Variants in CD52 observed in about 807,000 individuals in gnomAD.
CD52 encodes the protein CAMPATH-1 antigen.
In CD52, 2 loss-of-function variants were observed where a neutral mutation model predicts 2.5. The ratio of observed to expected loss-of-function variants is 0.79; its 90% confidence interval spans 0.32 to 2.48. CD52 has a LOEUF of 2.48. Ranked by LOEUF, CD52 falls within the 30% of genes most tolerant of loss-of-function variation. The probability of loss-of-function intolerance (pLI) is 0.11; values close to 1 mark genes in which losing one functional copy is unlikely to be tolerated. For synonymous variants in CD52, 24 were observed against 27.7 expected (o/e 0.87, Z 0.42); for missense variants, 62 against 75.8 (o/e 0.82, Z 0.68).
Position 26,320,219 on chromosome 1 carries a change from C to A in CD52, c.103C>A (p.Pro35Thr). 3.7e-6 allele frequency: 6 copies of A among 1,614,016 alleles called. No individual in the cohort carries two copies. The highest frequency in any genetic ancestry group is 5.1e-6 in the Non-Finnish European group (6 of 1,179,958). Residue 35 changes from proline (P) to threonine (T), a missense_variant, in exon 2 of 2, where the codon CCC becomes ACC. Pro to Thr is a conservative substitution (Grantham distance 38). Transcript: ENST00000374213. ...GQNDTSQTSSPSASSNISGGI... is the reference protein window; with the variant it reads ...GQNDTSQTSSTSASSNISGGI... ...AAACGACACCAGCCAAACCAGCAGC[C>A]CCTCAGCATCCAGCAACATAAGCGG...
chr1:26,318,261 G>A (rs2073818596), intron 1 of CD52, 190 bp downstream of exon 1: 4 of 589,066 alleles, frequency 6.8e-6, no homozygotes, highest in Admixed American at 6.0e-5. Context: ...GGCTGGGGCT[G>A]CACTGCTTGC....
At chr1:26,318,180 C>A in intron 1 of CD52, 109 bp downstream of exon 1, 2 of 922,826 alleles carry the variant, frequency 2.2e-6, no homozygotes, top group South Asian at 1.3e-5. Context: ...CTCCTGAGAG[C>A]ACAGCAGATG....
chr1:26,319,776 C>T (rs1013365865), intron 1 of CD52, among the ~76,000 whole-genome samples: 10 of 151,386 alleles, frequency 6.6e-5, no homozygotes, highest in African/African-American at 2.2e-4. Flanking sequence ...GGATGGAGGG[C>T]GGGGAGGGTA....
At chr1:26,318,219 C>T (rs1034679287) in intron 1 of CD52, 148 bp downstream of exon 1, 3 of 673,188 alleles carry the variant, frequency 4.5e-6, no homozygotes, top group South Asian at 3.5e-5. Flanking sequence ...GGGGACACAG[C>T]GGGCCTGGCC....
chr1:26,320,120 TAAA>T (rs111668601), intron 1 of CD52, 48 bp from the exon 2 acceptor site: 874 of 1,432,510 alleles, frequency 6.1e-4, no homozygotes, highest in Admixed American at 1.8e-3. Context: ...ACTCCACCTC[TAAA>T]AAAAAAAAAA....
intron 1 of CD52, among the ~76,000 whole-genome samples, chr1:26,319,321 G>A (rs1343430359): frequency 1.3e-5 from 2 of 152,040 alleles, no homozygotes; most frequent in Non-Finnish European, 2.9e-5. Flanking sequence ...CGGGCGTGGC[G>A]TGGTGGCGGG....
intron 1 of CD52, 40 bp from the exon 2 acceptor site, chr1:26,320,131 A>G: frequency 6.3e-7 from 1 of 1,583,376 alleles, no homozygotes; most frequent in South Asian, 1.2e-5. Context: ...AAAAAAAAAA[A>G]AAAAAGTCCC....
At chr1:26,320,131 A>C in intron 1 of CD52, 40 bp from the exon 2 acceptor site, 1 of 1,583,378 alleles carries the variant, frequency 6.3e-7, no homozygotes, top group Non-Finnish European at 8.5e-7. Flanking sequence ...AAAAAAAAAA[A>C]AAAAAGTCCC....
Position 26,320,409 on chromosome 1 carries a change from G to A in CD52, c.*107G>A, listed in dbSNP as rs775329246. ...GAGGGGTTGATGCCAGACATCACCA[G>A]GTTGTAGAAGTTGACAGGCAGTGCC... On this transcript the variant is annotated 3_prime_UTR_variant, in exon 2 of 2. Coordinates refer to ENST00000374213, the MANE Select transcript of CD52 (RefSeq NM_001803.3). The A allele has an allele frequency of 4.0e-5, 57 of 1,437,390 alleles. No homozygotes were observed. Among genetic ancestry groups the A allele is most frequent in the Non-Finnish European group, 5.1e-5 (55 of 1,074,018 alleles). 89.0% of individuals were successfully genotyped at this position (1,437,390 alleles called of 1,614,324 possible).
At chr1:26,319,479 T>A (rs67402791) in intron 1 of CD52, among the ~76,000 whole-genome samples, 100,572 of 144,588 alleles carry the variant, frequency 0.7, 35,483 homozygotes, top group Non-Finnish European at 0.76. Context: ...AAAAAAAAAA[T>A]TAGCTGGGCG....
At position 26,320,369 on chromosome 1, in the gene CD52, C is replaced by G; in HGVS notation, c.*67C>G. The G allele has an allele frequency of 6.5e-7, 1 of 1,540,378 alleles. No individual in the cohort carries two copies. ...CTGCCACCATCACTCGCAAGAGAAT[C>G]CCCTCCATCTTTGGGAGGGGTTGAT... On this transcript the variant is annotated 3_prime_UTR_variant, in exon 2 of 2. Transcript: ENST00000374213.
At position 26,320,488 on chromosome 1, in the gene CD52, C is replaced by T; in HGVS notation, c.*186C>T. 2 of 668,304 alleles carry T rather than the reference C, an allele frequency of 3.0e-6. No homozygotes were observed. Among genetic ancestry groups the T allele is most frequent in the South Asian group, 2.1e-5 (1 of 48,300 alleles). The allele number at this position is 668,304 out of a possible 1,614,324, so 41.4% of individuals were successfully genotyped here. On this transcript the variant is annotated 3_prime_UTR_variant, in exon 2 of 2. Coordinates refer to ENST00000374213, the MANE Select transcript of CD52 (RefSeq NM_001803.3). ...AATGATGTAGGGGCCAAGCAGTGCC[C>T]AGCTGGGGGTCAATAAAGTTACCCT...
Position 26,320,207 on chromosome 1 carries a change from C to T in CD52, c.91C>T (p.Gln31Ter), listed in dbSNP as rs898677202. The change falls in exon 2 of 2, where the codon CAA (glutamine) becomes TAA (stop). Residue 31 changes from glutamine (Q) to a stop codon, truncating the protein, a stop_gained. Coordinates refer to ENST00000374213, the MANE Select transcript of CD52 (RefSeq NM_001803.3). LOFTEE classifies it low-confidence loss of function (END_TRUNC). ...ACTCTCAGGACAAAACGACACCAGCCAAACCAGCAGCCCCTCAGCATCCAG... is the reference window on the plus strand; with the variant it reads ...ACTCTCAGGACAAAACGACACCAGCTAAACCAGCAGCCCCTCAGCATCCAG... ...TGLSGQNDTS[Q>*]TSSPSASSNI... 16 of 1,614,006 alleles carry T rather than the reference C, an allele frequency of 9.9e-6. No homozygotes were observed. Among genetic ancestry groups the T allele is most frequent in the Non-Finnish European group, 1.4e-5 (16 of 1,179,988 alleles).
chr1:26,318,141 G>A, intron 1 of CD52, 70 bp downstream of exon 1: 1 of 1,298,846 alleles, frequency 7.7e-7, no homozygotes, highest in South Asian at 1.2e-5. Flanking sequence ...GGGCATACAG[G>A]ATGTGAGCTC....
chr1:26,319,661 C>G (rs984550031), intron 1 of CD52, among the ~76,000 whole-genome samples: 1 of 151,946 alleles, frequency 6.6e-6, no homozygotes, highest in Non-Finnish European at 1.5e-5. Flanking sequence ...CACCTCTGTC[C>G]CTGCCTGTGT....
In CD52 at chr1:26,320,149, T is replaced by C. The variant is rs376711097; in HGVS notation, c.55-22T>C. 30 of 1,598,724 alleles carry C rather than the reference T, an allele frequency of 1.9e-5. No homozygotes were observed. The African/African-American group carries it at 2.5e-4, about 13-fold the overall frequency. On this transcript the variant is annotated intron_variant, in intron 1 of 1. Coordinates refer to ENST00000374213, the MANE Select transcript of CD52 (RefSeq NM_001803.3). The stretch of plus-strand genomic sequence containing the variant: ...AAAAAAAAAAAAAGTCCCCTGATCT[T>C]ATCCCACTTCTCCTCCTACAGATAC...
chr1:26,318,230 G>T, intron 1 of CD52, 159 bp downstream of exon 1: 3 of 645,384 alleles, frequency 4.6e-6, no homozygotes, highest in Non-Finnish European at 8.2e-6. Context: ...GGGCCTGGCC[G>T]CCCAGCCTTC....
chr1:26,320,460 G>T lies in CD52; in HGVS notation c.*158G>T. 2 of 915,358 alleles carry T rather than the reference G, an allele frequency of 2.2e-6. No homozygotes were observed. The highest frequency in any genetic ancestry group is 3.2e-6 in the Non-Finnish European group (2 of 616,648). The allele number at this position is 915,358 out of a possible 1,614,324, so 56.7% of individuals were successfully genotyped here. On this transcript the variant is annotated 3_prime_UTR_variant, in exon 2 of 2. Coordinates refer to ENST00000374213, the MANE Select transcript of CD52 (RefSeq NM_001803.3). ...ATGGGGGCAACAGCCAAAATAGGGGGGTAATGATGTAGGGGCCAAGCAGTG... is the reference window on the plus strand; with the variant it reads ...ATGGGGGCAACAGCCAAAATAGGGGTGTAATGATGTAGGGGCCAAGCAGTG...
chr1:26,320,392 G>A lies in CD52; in HGVS notation c.*90G>A, dbSNP rs896576244. The A allele has an allele frequency of 8.8e-6, 13 of 1,484,818 alleles. No individual in the cohort carries two copies. The highest frequency in any genetic ancestry group is 2.2e-5 in the Admixed American group (1 of 45,548). The allele number at this position is 1,484,818 out of a possible 1,614,324, so 92.0% of individuals were successfully genotyped here. A position where few individuals can be genotyped will look rare whatever the true frequency, so the allele number is the denominator to read the frequency against. Reference sequence around the variant, plus strand: ...ATCCCCTCCATCTTTGGGAGGGGTTGATGCCAGACATCACCAGGTTGTAGA... The same window carrying A: ...ATCCCCTCCATCTTTGGGAGGGGTTAATGCCAGACATCACCAGGTTGTAGA... On this transcript the variant is annotated 3_prime_UTR_variant, in exon 2 of 2. Coordinates refer to ENST00000374213, the MANE Select transcript of CD52 (RefSeq NM_001803.3).
Sources: allele counts gnomAD v4.1 joint callset (sites outside exome capture counted in the v4.1 genomes callset), GRCh38; gene constraint gnomAD v4.1.1; transcripts MANE v1.5; gene names NCBI Gene and HGNC (gene_info 2026-07-23, HGNC 2026-07-21).